Variants in DPP6 observed in about 807,000 individuals in gnomAD.
DPP6 encodes the protein A-type potassium channel modulatory protein DPP6.
Under a neutral mutation model 122.6 loss-of-function variants are expected in DPP6, and 69 were observed. That is an observed-to-expected ratio of 0.56 (90% CI 0.46 to 0.69). The LOEUF (loss-of-function observed/expected upper bound fraction) is 0.69. Ranked by LOEUF, DPP6 falls within the 30% of genes least tolerant of loss-of-function variation. The probability of loss-of-function intolerance (pLI) is 0.00; values close to 1 mark genes in which losing one functional copy is unlikely to be tolerated. For missense variants in DPP6, 928 were observed against 1,116.9 expected (o/e 0.83, Z 2.41); for synonymous variants, 418 against 433.1 (o/e 0.97, Z 0.43).
chr7:154,613,159 C>A (rs749235880), intron 5 of DPP6, among the ~76,000 whole-genome samples: 3 of 152,182 alleles, frequency 2.0e-5, no homozygotes, highest in Admixed American at 6.5e-5. Context: ...AGCTCCTTAT[C>A]CATCAGGGGG....
chr7:154,794,936 G>C (rs1440550675), intron 11 of DPP6, among the ~76,000 whole-genome samples: 1 of 146,086 alleles, frequency 6.8e-6, no homozygotes, highest in African/African-American at 2.5e-5. Context: ...CTGGCTGAGG[G>C]GGGCCAAGGC....
chr7:154,721,374 G>A (rs922313325), intron 7 of DPP6, among the ~76,000 whole-genome samples: 4 of 152,156 alleles, frequency 2.6e-5, no homozygotes, highest in Admixed American at 6.5e-5. Context: ...ACAGCTCTGT[G>A]CTCCTGTGTC....
At chr7:154,789,786 C>T (rs1384142902) in intron 10 of DPP6, among the ~76,000 whole-genome samples, 1 of 152,224 alleles carries the variant, frequency 6.6e-6, no homozygotes, top group Non-Finnish European at 1.5e-5. Context: ...TCCAAAGCGT[C>T]GCTGCCTCGC....
chr7:154,482,139 G>T (rs1045530172), intron 3 of DPP6, among the ~76,000 whole-genome samples: 2 of 152,204 alleles, frequency 1.3e-5, no homozygotes, highest in Non-Finnish European at 2.9e-5. Flanking sequence ...TTCTCTGGGG[G>T]AAAGCCTTCC....
chr7:154,577,472 C>T (rs1191040337), intron 5 of DPP6, among the ~76,000 whole-genome samples: 3 of 152,228 alleles, frequency 2.0e-5, no homozygotes, highest in Non-Finnish European at 4.4e-5. Flanking sequence ...GGATTAGGTC[C>T]TCCAAAGCCG....
At chr7:153,828,666 A>C in the DPP6 span, among the ~76,000 whole-genome samples, 5 of 152,168 alleles carry the variant, frequency 3.3e-5, no homozygotes, top group Non-Finnish European at 7.3e-5. Flanking sequence ...TGCGTGGGGA[A>C]TTTTGGGATG....
intron 1 of DPP6, among the ~76,000 whole-genome samples, chr7:154,147,477 CCTTCCTTCCTTCCTTT>C (rs1210162961): frequency 2.4e-3 from 312 of 132,158 alleles, no homozygotes; most frequent in African/African-American, 0.012. Flanking sequence ...TTCCTTCCTT[CCTTCCTTCCTTCCTTT>C]CTTTTTCTGT....
intron 1 of DPP6, among the ~76,000 whole-genome samples, chr7:153,945,597 A>G (rs1361604411): frequency 6.6e-6 from 1 of 152,176 alleles, no homozygotes; most frequent in East Asian, 1.9e-4. Flanking sequence ...AGGCGCTTGG[A>G]GGCACAGAAG....
chr7:153,767,371 TTTG>T, the DPP6 span, among the ~76,000 whole-genome samples: 21 of 151,922 alleles, frequency 1.4e-4, no homozygotes, highest in East Asian at 9.7e-4. Flanking sequence ...TGAGAAACTT[TTTG>T]TTGTTGTTGT....
chr7:154,332,850 C>T (rs1469526236), intron 1 of DPP6, among the ~76,000 whole-genome samples: 1 of 152,180 alleles, frequency 6.6e-6, no homozygotes, highest in Non-Finnish European at 1.5e-5. Flanking sequence ...ACTCACCGTG[C>T]CCGCCCAGTA....
the DPP6 span, among the ~76,000 whole-genome samples, chr7:153,768,522 C>A: frequency 6.6e-6 from 1 of 152,136 alleles, no homozygotes; most frequent in Non-Finnish European, 1.5e-5. Context: ...AGGGCTTCAA[C>A]ACTTGATGTT....
At chr7:154,664,239 A>C (rs1000117035) in intron 6 of DPP6, among the ~76,000 whole-genome samples, 9 of 152,178 alleles carry the variant, frequency 5.9e-5, no homozygotes, top group African/African-American at 2.2e-4. Context: ...CCTAGTGTTC[A>C]CGCGATCATG....
At chr7:154,664,230 C>T (rs1323426919) in intron 6 of DPP6, among the ~76,000 whole-genome samples, 1 of 149,616 alleles carries the variant, frequency 6.7e-6, no homozygotes, top group Non-Finnish European at 1.5e-5. Context: ...CTTGTTGGCC[C>T]TAGTGTTCAC....
intron 16 of DPP6, among the ~76,000 whole-genome samples, chr7:154,846,067 C>T (rs920400830): frequency 2.6e-5 from 4 of 151,756 alleles, no homozygotes; most frequent in Non-Finnish European, 4.4e-5. Flanking sequence ...GGATGAGTCT[C>T]GGCCAACAGC....
At chr7:154,278,727 G>A (rs1235155407) in intron 1 of DPP6, among the ~76,000 whole-genome samples, 1 of 152,150 alleles carries the variant, frequency 6.6e-6, no homozygotes, top group Non-Finnish European at 1.5e-5. Flanking sequence ...TAACCACATT[G>A]TTTAATATCT....
At chr7:154,490,622 C>T (rs773710008) in intron 3 of DPP6, among the ~76,000 whole-genome samples, 2 of 152,158 alleles carry the variant, frequency 1.3e-5, no homozygotes, top group African/African-American at 2.4e-5. Flanking sequence ...GTTTGTGATC[C>T]GCAAAGACAA....
chr7:153,836,452 G>T, the DPP6 span, among the ~76,000 whole-genome samples: 1 of 152,238 alleles, frequency 6.6e-6, no homozygotes, highest in Middle Eastern at 3.4e-3. Context: ...AATAGCCAGG[G>T]AAAAGTGGGT....
intron 3 of DPP6, among the ~76,000 whole-genome samples, chr7:154,494,487 A>G (rs763819822): frequency 1.5e-4 from 23 of 151,376 alleles, no homozygotes; most frequent in Non-Finnish European, 2.8e-4. Flanking sequence ...TCACAGTGAC[A>G]CATCACACAA....
intron 6 of DPP6, among the ~76,000 whole-genome samples, chr7:154,652,752 G>A (rs554734940): frequency 1.1e-4 from 16 of 152,042 alleles, no homozygotes; most frequent in Non-Finnish European, 1.8e-4. Flanking sequence ...TCTTCTGCAT[G>A]TTTTTCACAC....
Sources: allele counts gnomAD v4.1 joint callset (sites outside exome capture counted in the v4.1 genomes callset), GRCh38; gene constraint gnomAD v4.1.1; transcripts MANE v1.5; gene names NCBI Gene and HGNC (gene_info 2026-07-23, HGNC 2026-07-21).